The following FKBP9 variants were observed in gnomAD, a reference collection of about 807,000 sequenced individuals.
FKBP9 encodes peptidyl-prolyl cis-trans isomerase FKBP9.
A neutral mutation model predicts 55.6 loss-of-function variants in FKBP9; 27 were observed. The observed-to-expected ratio is 0.49, with a 90% CI of 0.36 to 0.67. The LOEUF (loss-of-function observed/expected upper bound fraction) is 0.67. Ranked by LOEUF, FKBP9 falls within the 30% of genes least tolerant of loss-of-function variation. The probability of loss-of-function intolerance (pLI) is 0.00; values close to 1 mark genes in which losing one functional copy is unlikely to be tolerated. For synonymous variants in FKBP9, 267 were observed against 296.5 expected (o/e 0.90, Z 1.02); for missense variants, 539 against 742.8 (o/e 0.73, Z 3.19).
chr7:32,976,413 T>C lies in FKBP9; in HGVS notation c.617T>C (p.Met206Thr). The change falls in exon 4 of 10, where the codon ATG becomes ACG. Residue 206 changes from methionine (M) to threonine (T), a missense_variant. Met to Thr is a moderately conservative substitution (Grantham distance 81). This residue lies in a region of FKBP9 where 29 missense variants were observed against 65.3 expected (regional missense o/e 0.44). Transcript: ENST00000242209. ...GGAATTGGCTGGCTGATTCCTGGAA[T>C]GGATAAAGGGCTGCTGGGGATGTGT... Reference protein sequence around the residue: ...YVGIGWLIPGMDKGLLGMCVG... With the variant: ...YVGIGWLIPGTDKGLLGMCVG... 1 of 1,613,916 alleles carries C rather than the reference T, an allele frequency of 6.2e-7. No homozygotes were observed. Among genetic ancestry groups the C allele is most frequent in the Non-Finnish European group, 8.5e-7 (1 of 1,179,868 alleles).
chr7:32,979,923 A>G (rs1264738974), intron 4 of FKBP9, among the ~76,000 whole-genome samples: 2 of 151,570 alleles, frequency 1.3e-5, no homozygotes, highest in African/African-American at 2.4e-5. Flanking sequence ...CCTCTAAAAA[A>G]TTGGCCGTTC....
chr7:32,959,437 C>CA (rs200366262), intron 1 of FKBP9, among the ~76,000 whole-genome samples: 1,600 of 151,856 alleles, frequency 0.011, 10 homozygotes, highest in Non-Finnish European at 0.017. Context: ...AAAAACGAAA[C>CA]AAAAAAAACA....
chr7:32,958,064 C>T (rs74867334), intron 1 of FKBP9, among the ~76,000 whole-genome samples: 213 of 152,348 alleles, frequency 1.4e-3, no homozygotes, highest in African/African-American at 5.0e-3. Context: ...CCTTTCCTCC[C>T]AGCGCATGGA....
At chr7:32,975,660 T>A (rs530571928) in intron 3 of FKBP9, among the ~76,000 whole-genome samples, 1 of 151,612 alleles carries the variant, frequency 6.6e-6, no homozygotes, top group Non-Finnish European at 1.5e-5. Flanking sequence ...TTCTTTTTTT[T>A]TTTTGAGATG....
rs894387433 is a variant in FKBP9 at position 33,000,174 on chromosome 7, T to A, written c.1286T>A (p.Met429Lys). Reference protein sequence around the residue: ...VLGSGQVVLGMDMGLREMCVG... With the variant: ...VLGSGQVVLGKDMGLREMCVG... Reference sequence around the variant, plus strand: ...GGATCTGGGCAAGTTGTGTTGGGGATGGACATGGGTCTCAGAGAGATGTGC... The same window carrying A: ...GGATCTGGGCAAGTTGTGTTGGGGAAGGACATGGGTCTCAGAGAGATGTGC... The change falls in exon 8 of 10, where the codon ATG (methionine) becomes AAG (lysine). Residue 429 changes from methionine to lysine, a missense_variant. Coordinates refer to ENST00000242209, the MANE Select transcript of FKBP9 (RefSeq NM_007270.5). 1.9e-6 allele frequency: 3 copies of A among 1,613,758 alleles called. No individual in the cohort carries two copies. The Admixed American group carries it at 5.0e-5, about 27-fold the overall frequency.
chr7:33,005,170 T>C lies in FKBP9; in HGVS notation c.1537-5T>C, dbSNP rs762090797. ...CATGGTCTTTCCTGTCCCCTTCTTT[T>C]CCAGTTCTCAGAGTACATTCACGCC... On this transcript the variant is annotated splice_polypyrimidine_tract_variant and splice_region_variant and intron_variant, in intron 9 of 9. Transcript: ENST00000242209. 9.9e-6 allele frequency: 16 copies of C among 1,612,580 alleles called. No individual in the cohort carries two copies. Among genetic ancestry groups the C allele is most frequent in the Non-Finnish European group, 1.4e-5 (16 of 1,178,928 alleles).
chr7:32,970,602 T>C (rs540455192), intron 1 of FKBP9, among the ~76,000 whole-genome samples: 1 of 150,880 alleles, frequency 6.6e-6, no homozygotes, highest in South Asian at 2.1e-4. Context: ...CTATTGTAAA[T>C]AGAATTATTT....
At chr7:32,997,499 G>C (rs986447070) in intron 7 of FKBP9, among the ~76,000 whole-genome samples, 23 of 152,212 alleles carry the variant, frequency 1.5e-4, no homozygotes, top group South Asian at 2.1e-4. Context: ...TTACAGATTT[G>C]AGCCGTCATG....
intron 4 of FKBP9, among the ~76,000 whole-genome samples, chr7:32,978,017 A>G (rs1276862802): frequency 6.7e-6 from 1 of 148,614 alleles, no homozygotes; most frequent in Non-Finnish European, 1.5e-5. Flanking sequence ...TATCTCCTGG[A>G]TTCAAGAGAT....
At chr7:32,996,880 C>T (rs1420258212) in intron 7 of FKBP9, among the ~76,000 whole-genome samples, 7 of 146,804 alleles carry the variant, frequency 4.8e-5, no homozygotes, top group Non-Finnish European at 7.4e-5. Flanking sequence ...CTGCAAGCTC[C>T]GCTTCCCGGG....
intron 1 of FKBP9, among the ~76,000 whole-genome samples, chr7:32,962,168 G>A (rs1784038366): frequency 6.6e-6 from 1 of 152,012 alleles, no homozygotes. Flanking sequence ...AGGCCAAGGC[G>A]GGCAGATCAC....
chr7:32,983,054 G>A (rs569233854), intron 5 of FKBP9, among the ~76,000 whole-genome samples: 3 of 146,110 alleles, frequency 2.1e-5, no homozygotes, highest in East Asian at 2.1e-4. Context: ...ACGGAGTTTC[G>A]CTCTTCTTGC....
chr7:32,976,525 A>T, intron 4 of FKBP9, 26 bp downstream of exon 4: 5 of 1,567,038 alleles, frequency 3.2e-6, no homozygotes, highest in Non-Finnish European at 4.3e-6. Context: ...TCTTGGAGCC[A>T]CTCTTTCCTA....
chr7:32,990,802 T>A (rs1784665174), intron 6 of FKBP9, among the ~76,000 whole-genome samples: 1 of 152,382 alleles, frequency 6.6e-6, no homozygotes, highest in South Asian at 2.1e-4. Context: ...TTTATTTTGT[T>A]AGTTCTGTTC....
At chr7:32,964,015 G>T (rs150574461) in intron 1 of FKBP9, among the ~76,000 whole-genome samples, 1 of 152,250 alleles carries the variant, frequency 6.6e-6, no homozygotes, top group African/African-American at 2.4e-5. Flanking sequence ...AGTCAGGGGG[G>T]CCTGACAGGG....
At chr7:32,967,780 GT>G (rs1258604534) in intron 1 of FKBP9, among the ~76,000 whole-genome samples, 2 of 151,828 alleles carry the variant, frequency 1.3e-5, no homozygotes, top group Non-Finnish European at 2.9e-5. Context: ...TTGAGACAGA[GT>G]TTCGCTCTTA....
At chr7:32,986,497 C>T in intron 5 of FKBP9, among the ~76,000 whole-genome samples, 1 of 152,212 alleles carries the variant, frequency 6.6e-6, no homozygotes, top group Non-Finnish European at 1.5e-5. Context: ...TCCTCCTCTT[C>T]CCTGCTGTGT....
chr7:32,957,911 C>T (rs28432929), intron 1 of FKBP9, 117 bp downstream of exon 1: 162,207 of 780,948 alleles, frequency 0.21, 19,206 homozygotes, highest in Admixed American at 0.36. Flanking sequence ...GCGCTCCTCC[C>T]TTCTTCCGCT....
At chr7:32,985,387 G>A (rs1784557214) in intron 5 of FKBP9, among the ~76,000 whole-genome samples, 1 of 151,490 alleles carries the variant, frequency 6.6e-6, no homozygotes, top group Non-Finnish European at 1.5e-5. Flanking sequence ...AACATGTTGG[G>A]CCGGGCTGGT....
Sources: allele counts gnomAD v4.1 joint callset (sites outside exome capture counted in the v4.1 genomes callset), GRCh38; gene constraint gnomAD v4.1.1; regional missense constraint gnomAD v4.1.1; transcripts MANE v1.5; gene names NCBI Gene and HGNC (gene_info 2026-07-23, HGNC 2026-07-21).